Variants in FCHO1 observed in about 807,000 individuals in gnomAD.
FCHO1 encodes the protein F-BAR domain only protein 1.
Under a neutral mutation model 114.4 loss-of-function variants are expected in FCHO1, and 45 were observed. The ratio of observed to expected loss-of-function variants is 0.39; its 90% CI spans 0.31 to 0.50. The LOEUF (loss-of-function observed/expected upper bound fraction) is 0.50. Ranked by LOEUF, FCHO1 falls within the 20% of genes least tolerant of loss-of-function variation. FCHO1 has a pLI of 0.77. For synonymous variants in FCHO1, 480 were observed against 488.9 expected (o/e 0.98, Z 0.24); for missense variants, 1,042 against 1,209.6 (o/e 0.86, Z 2.06).
Position 17,778,203 on chromosome 19 carries a change from A to C in FCHO1, c.1326A>C (p.Ser442=), listed in dbSNP as rs2092896157. 1.2e-6 allele frequency: 2 copies of C among 1,613,826 alleles called. No homozygotes were observed. Among genetic ancestry groups the C allele is most frequent in the African/African-American group, 2.7e-5 (2 of 74,938 alleles). The change falls in exon 19 of 29, where the codon TCA becomes TCC. Residue 442 remains serine, a synonymous_variant. Transcript: ENST00000596536. ...SKNLFGPPLE[S]AFDHEDFTGS... Reference sequence around the variant, plus strand: ...ACCTCTTTGGGCCGCCCCTGGAGTCAGCCTTTGACCACGAAGATTTTACAG... The same window carrying C: ...ACCTCTTTGGGCCGCCCCTGGAGTCCGCCTTTGACCACGAAGATTTTACAG...
chr19:17,750,463 T>A (rs1474604235), upstream of FCHO1, among the ~76,000 whole-genome samples: 2 of 152,170 alleles, frequency 1.3e-5, no homozygotes, highest in Non-Finnish European at 2.9e-5. Context: ...ACAGTTTTGT[T>A]TTGTTTTGTT....
At chr19:17,767,212 A>G (rs531254312) in intron 7 of FCHO1, among the ~76,000 whole-genome samples, 2 of 152,030 alleles carry the variant, frequency 1.3e-5, no homozygotes, top group African/African-American at 4.8e-5. Flanking sequence ...CCCACAGAAT[A>G]GCTGGGACTA....
At chr19:17,750,822 C>CTTTTTTTTTT (rs1326515643), upstream of FCHO1, among the ~76,000 whole-genome samples, 2 of 143,788 alleles carry the variant, frequency 1.4e-5, no homozygotes, top group Non-Finnish European at 3.0e-5. Flanking sequence ...CTTCCCCTTT[C>CTTTTTTTTTT]TTTTCTTTTT....
chr19:17,766,716 T>C lies in FCHO1; in HGVS notation c.242T>C (p.Leu81Pro). The change falls in exon 7 of 29, where the codon CTG becomes CCG. Residue 81 changes from leucine to proline, a missense_variant. Leu to Pro is a moderately conservative substitution (Grantham distance 98). Transcript: ENST00000596536. Reference sequence around the variant, plus strand: ...GTCTTCCGCGTCTCCTCGGACAAGCTGGCGCTGTGCCACCTGGAACTGACA... The same window carrying C: ...GTCTTCCGCGTCTCCTCGGACAAGCCGGCGCTGTGCCACCTGGAACTGACA... ...WEVFRVSSDK[L>P]ALCHLELTRK... is the part of the protein sequence containing the mutation. The C allele has an allele frequency of 6.2e-7, 1 of 1,614,176 alleles. No individual in the cohort carries two copies. Among genetic ancestry groups the C allele is most frequent in the Non-Finnish European group, 8.5e-7 (1 of 1,180,022 alleles).
rs2147618034 is a variant in FCHO1, at chr19:17,788,528, CTT to C, written c.*224_*225del. On this transcript the variant is annotated 3_prime_UTR_variant, in exon 29 of 29. Coordinates refer to ENST00000596536, the MANE Select transcript of FCHO1 (RefSeq NM_015122.3). ...CCTTTTAATGTTCTTTGAATAAACACTTTATTTTCTAATAAAATAAAAAAGGA... is the reference window on the plus strand; with the variant it reads ...CCTTTTAATGTTCTTTGAATAAACACTATTTTCTAATAAAATAAAAAAGGA... The C allele has an allele frequency of 1.9e-6, 1 of 529,346 alleles. No individual in the cohort carries two copies. Among genetic ancestry groups the C allele is most frequent in the South Asian group, 2.9e-5 (1 of 34,998 alleles). 32.8% of individuals were successfully genotyped at this position (529,346 alleles called of 1,614,324 possible). A position where few individuals can be genotyped will look rare whatever the true frequency, so the allele number is the denominator to read the frequency against.
chr19:17,768,142 C>T (rs1313130909), intron 7 of FCHO1, among the ~76,000 whole-genome samples: 4 of 152,120 alleles, frequency 2.6e-5, no homozygotes, highest in Non-Finnish European at 5.9e-5. Context: ...AATCTCAGCT[C>T]ACTGCAATCT....
Position 17,781,263 on chromosome 19 carries a change from A to G in FCHO1, c.1660A>G (p.Arg554Gly). The G allele has an allele frequency of 1.2e-6, 2 of 1,613,934 alleles. No individual in the cohort carries two copies. Among genetic ancestry groups the G allele is most frequent in the Non-Finnish European group, 1.7e-6 (2 of 1,179,906 alleles). Residue 554 changes from arginine to glycine, a missense_variant, in exon 21 of 29, where the codon AGG becomes GGG. Transcript: ENST00000596536. The part of the protein sequence containing the change: ...LMPAPADPTA[R>G]EGLAAPPRRL... ...GCCTGCACCTGCTGACCCCACAGCC[A>G]GGGAGGGCCTGGCAGCCCCACCCAG...
At chr19:17,785,257 T>C (rs1014096698) in intron 26 of FCHO1, among the ~76,000 whole-genome samples, 4 of 152,198 alleles carry the variant, frequency 2.6e-5, no homozygotes, top group Non-Finnish European at 5.9e-5. Flanking sequence ...TCTCGCTCTG[T>C]CGTGCAGGTT....
Position 17,757,990 on chromosome 19 carries a change from C to T in FCHO1, c.27+2799C>T, listed in dbSNP as rs1046566165. ...CCAGCATTTGGGAGGCCGAGGCAGG[C>T]GGATCACAAGGTCAGGAGATCGAGA... On this transcript the variant is annotated intron_variant, in intron 4 of 28. Transcript: ENST00000596536. 5.4e-5 allele frequency among the ~76,000 whole-genome samples: 8 copies of T among 148,558 alleles called. No homozygotes were observed. In the East Asian group the frequency reaches 1.2e-3, roughly 22 times the overall value.
At chr19:17,768,440 C>G (rs1200965909) in intron 7 of FCHO1, among the ~76,000 whole-genome samples, 1 of 151,942 alleles carries the variant, frequency 6.6e-6, no homozygotes, top group Non-Finnish European at 1.5e-5. Context: ...GCCTGTAATC[C>G]CAGCACTTTG....
chr19:17,768,189 C>T (rs966409998), intron 7 of FCHO1, among the ~76,000 whole-genome samples: 1 of 152,180 alleles, frequency 6.6e-6, no homozygotes, highest in Non-Finnish European at 1.5e-5. Context: ...CTGCCTCAGC[C>T]TCCCAGGTAG....
At chr19:17,764,946 C>A (rs7256771) in intron 6 of FCHO1, among the ~76,000 whole-genome samples, 72,768 of 151,452 alleles carry the variant, frequency 0.48, 17,819 homozygotes, top group East Asian at 0.71. Flanking sequence ...TGCCTGTAAT[C>A]CCAGCTACTC....
chr19:17,779,016 G>T lies in FCHO1; in HGVS notation c.1627+132G>T, dbSNP rs1032706401. On this transcript the variant is annotated intron_variant, in intron 20 of 28. Transcript: ENST00000596536. ...CAGGCAGGCAGAACCTCCCACCGTT[G>T]CAGGGACAACAATGAGATGGACATT... The T allele has an allele frequency of 3.0e-5, 29 of 981,822 alleles. No individual in the cohort carries two copies. In the African/African-American group the frequency reaches 4.8e-4, roughly 16 times the overall value. 60.8% of individuals were successfully genotyped at this position (981,822 alleles called of 1,614,324 possible). A position where few individuals can be genotyped will look rare whatever the true frequency, so the allele number is the denominator to read the frequency against.
At position 17,784,687 on chromosome 19, in the gene FCHO1, C is replaced by T; in HGVS notation, c.2227-38C>T. ...GCATGGTGTGGCAAGACAGGATGGC[C>T]CAAGCTGTGTCCTCTCTCTCATTCT... On this transcript the variant is annotated intron_variant, in intron 25 of 28. Transcript: ENST00000596536. This position sits in a 1 kb window ranked among gnomAD's most constrained non-coding sequence, Gnocchi z 5.3. 1.9e-6 allele frequency: 3 copies of T among 1,600,726 alleles called. No homozygotes were observed. Among genetic ancestry groups the T allele is most frequent in the South Asian group, 1.1e-5 (1 of 90,836 alleles).
chr19:17,748,838 AC>A (rs1237389298), upstream of FCHO1, among the ~76,000 whole-genome samples: 1 of 152,172 alleles, frequency 6.6e-6, no homozygotes, highest in Non-Finnish European at 1.5e-5. Flanking sequence ...TTCTGAACTC[AC>A]CCAGCCCACA....
Position 17,787,816 on chromosome 19 carries a change from A to C in FCHO1, c.2617A>C (p.Met873Leu), listed in dbSNP as rs754892983. The C allele has an allele frequency of 3.7e-5, 59 of 1,613,356 alleles. No individual in the cohort carries two copies. Among genetic ancestry groups the C allele is most frequent in the Non-Finnish European group, 4.8e-5 (57 of 1,179,868 alleles). The change falls in exon 28 of 29, where the codon ATG becomes CTG. Residue 873 changes from methionine (M) to leucine (L), a missense_variant. Around this residue, in one of 3 missense-constraint regions of FCHO1, gnomAD observed 137 missense variants for 190.0 expected, o/e 0.72. Coordinates refer to ENST00000596536, the MANE Select transcript of FCHO1 (RefSeq NM_015122.3). ...GGAACTGGTGGGCAGCGGTTACCGC[A>C]TGTCGCTGGTGAAGAGGAGGTTTGC... ...DLELVGSGYR[M>L]SLVKRRFATG... is the part of the protein sequence containing the mutation.
chr19:17,764,505 AC>A (rs1767109988), intron 6 of FCHO1, 56 bp downstream of exon 6: 1 of 1,401,646 alleles, frequency 7.1e-7, no homozygotes, highest in South Asian at 1.3e-5. Context: ...TCCTTGGTGG[AC>A]ATCTCTTCAC....
At chr19:17,770,181 A>G (rs909081378) in intron 7 of FCHO1, among the ~76,000 whole-genome samples, 1 of 152,052 alleles carries the variant, frequency 6.6e-6, no homozygotes, top group African/African-American at 2.4e-5. Flanking sequence ...AGCACCTGTA[A>G]TCTCAGCTAC....
intron 7 of FCHO1, among the ~76,000 whole-genome samples, chr19:17,767,073 G>GA (rs1292650863): frequency 1.7e-5 from 1 of 57,226 alleles, no homozygotes; most frequent in East Asian, 3.5e-4. Context: ...AGCTAAGAAG[G>GA]GTTTTTTTTT....
Sources: gnomAD v4.1 joint callset for allele counts (sites outside exome capture counted in the v4.1 genomes callset) on GRCh38, gnomAD v4.1.1 for gene constraint, gnomAD v4.1.1 regional missense constraint, Gnocchi (gnomAD v3.1) non-coding constraint, MANE v1.5 for transcripts, NCBI Gene and HGNC (gene_info 2026-07-23, HGNC 2026-07-21) for gene names.